MAPK8: variants seen among roughly 807,000 people sequenced by gnomAD.
The protein encoded by MAPK8 is JUN N-terminal kinase.
Under a neutral mutation model 52.9 loss-of-function variants are expected in MAPK8, and 13 were observed. The observed-to-expected ratio is 0.25, with a 90% CI of 0.16 to 0.39. MAPK8 has a LOEUF of 0.39. Ranked by LOEUF, MAPK8 falls within the 10% of genes least tolerant of loss-of-function variation. The pLI is 1.00. For synonymous variants in MAPK8, 191 were observed against 169.8 expected (o/e 1.12, Z -0.97); for missense variants, 300 against 519.2 (o/e 0.58, Z 4.10).
intron 1 of MAPK8, among the ~76,000 whole-genome samples, chr10:48,395,763 A>G (rs544859813): frequency 6.6e-6 from 1 of 152,224 alleles, no homozygotes; most frequent in African/African-American, 2.4e-5. Flanking sequence ...TATACTCAGG[A>G]CACTGTGGTA....
chr10:48,317,552 G>A (rs11101291), intron 1 of MAPK8, among the ~76,000 whole-genome samples: 6,494 of 152,296 alleles, frequency 0.043, 457 homozygotes, highest in African/African-American at 0.15. Flanking sequence ...GCTCTGAAGT[G>A]AACAAAGAAA....
At chr10:48,385,391 C>T (rs1411227919) in intron 1 of MAPK8, among the ~76,000 whole-genome samples, 1 of 152,164 alleles carries the variant, frequency 6.6e-6, no homozygotes, top group Non-Finnish European at 1.5e-5. Context: ...TGCTACCTAG[C>T]ATGTCAGGCA....
intron 1 of MAPK8, among the ~76,000 whole-genome samples, chr10:48,355,094 T>C (rs964611878): frequency 6.6e-6 from 1 of 152,242 alleles, no homozygotes; most frequent in Admixed American, 6.5e-5. Flanking sequence ...GTTTCATATG[T>C]TTCAACAAAA....
At chr10:48,399,469 T>C (rs1357663139) in intron 1 of MAPK8, among the ~76,000 whole-genome samples, 1 of 152,174 alleles carries the variant, frequency 6.6e-6, no homozygotes. Context: ...GAGTTGTGAC[T>C]ATCCATGCTC....
intron 5 of MAPK8, among the ~76,000 whole-genome samples, chr10:48,414,475 C>G (rs1202941633): frequency 4.0e-5 from 5 of 124,962 alleles, no homozygotes; most frequent in South Asian, 2.6e-4. Flanking sequence ...TCCTGAGAGA[C>G]AGAATCTTCC....
At chr10:48,313,323 C>T (rs1199581982) in intron 1 of MAPK8, among the ~76,000 whole-genome samples, 1 of 152,050 alleles carries the variant, frequency 6.6e-6, no homozygotes, top group Non-Finnish European at 1.5e-5. Flanking sequence ...ATCCCAGCTA[C>T]TTGGGAGGTT....
In MAPK8 at chr10:48,364,213, G is replaced by A. The variant is rs1353816550; in HGVS notation, c.-49-37399G>A. Among the ~76,000 whole-genome samples the A allele has an allele frequency of 2.6e-5, 4 of 152,142 alleles. No homozygotes were observed. In the South Asian group the frequency reaches 8.3e-4, roughly 32 times the overall value. The stretch of plus-strand genomic sequence containing the variant: ...GGGAAATACCAGGATGACTAAAGAG[G>A]ATATTTTCATCAGCAGGGAGCTCAC... On this transcript the variant is annotated intron_variant, in intron 1 of 11. Transcript: ENST00000374189.
intron 1 of MAPK8, among the ~76,000 whole-genome samples, chr10:48,359,837 A>G (rs1847355324): frequency 6.6e-6 from 1 of 152,264 alleles, no homozygotes; most frequent in Admixed American, 6.5e-5. Context: ...CATATTATCC[A>G]TGATTTTAAG....
At chr10:48,327,852 G>A (rs1564486430) in intron 1 of MAPK8, among the ~76,000 whole-genome samples, 1 of 152,138 alleles carries the variant, frequency 6.6e-6, no homozygotes, top group Non-Finnish European at 1.5e-5. Flanking sequence ...GAGAACTTTG[G>A]TAGATTGTGT....
rs556871972 is a variant in MAPK8 at position 48,401,296 on chromosome 10, G to A, written c.-49-316G>A. On this transcript the variant is annotated intron_variant, in intron 1 of 11. Transcript: ENST00000374189. ...TTTAAATTTTAAACTGTGGAGTGAC[G>A]TAAAAACATGTTTAATTTTAATTAT... 8.6e-4 allele frequency among the ~76,000 whole-genome samples: 131 copies of A among 152,218 alleles called. 1 individual carries two copies. Among genetic ancestry groups the A allele is most frequent in the Middle Eastern group, 3.4e-3 (1 of 294 alleles).
intron 1 of MAPK8, among the ~76,000 whole-genome samples, chr10:48,363,104 C>T (rs1273343859): frequency 6.6e-6 from 1 of 152,106 alleles, no homozygotes; most frequent in African/African-American, 2.4e-5. Flanking sequence ...TAGCTATTCA[C>T]TGGCCTGAAC....
At chr10:48,406,360 C>T (rs1406169045) in intron 3 of MAPK8, among the ~76,000 whole-genome samples, 1 of 152,132 alleles carries the variant, frequency 6.6e-6, no homozygotes, top group Non-Finnish European at 1.5e-5. Flanking sequence ...AGTTCCATGG[C>T]AGTGGTGGTG....
intron 1 of MAPK8, among the ~76,000 whole-genome samples, chr10:48,313,789 C>CTT: frequency 6.6e-6 from 1 of 152,226 alleles, no homozygotes; most frequent in Non-Finnish European, 1.5e-5. Context: ...GAGTCTCACT[C>CTT]TTGTTGCCCA....
At chr10:48,384,411 T>C (rs1449348275) in intron 1 of MAPK8, among the ~76,000 whole-genome samples, 3 of 152,230 alleles carry the variant, frequency 2.0e-5, no homozygotes, top group Non-Finnish European at 4.4e-5. Flanking sequence ...AAATTTCTTT[T>C]ATAAATAGCC....
At chr10:48,344,130 A>C (rs1845548539) in intron 1 of MAPK8, among the ~76,000 whole-genome samples, 1 of 152,232 alleles carries the variant, frequency 6.6e-6, no homozygotes, top group African/African-American at 2.4e-5. Flanking sequence ...TATCAGAGTA[A>C]ACAAAGATCA....
At chr10:48,433,201 T>G (rs1051009032) in intron 11 of MAPK8, among the ~76,000 whole-genome samples, 3 of 152,170 alleles carry the variant, frequency 2.0e-5, no homozygotes, top group East Asian at 1.9e-4. Context: ...AAGTGTGTGT[T>G]TTTTCCCCTT....
intron 1 of MAPK8, among the ~76,000 whole-genome samples, chr10:48,308,888 C>T (rs998380425): frequency 6.6e-6 from 1 of 152,132 alleles, no homozygotes; most frequent in Admixed American, 6.5e-5. Context: ...AGCTCTTTTC[C>T]ACTTACTAAA....
At chr10:48,431,369 C>T in intron 11 of MAPK8, 99 bp downstream of exon 11, 1 of 768,810 alleles carries the variant, frequency 1.3e-6, no homozygotes, top group South Asian at 1.8e-5. Context: ...TTTACAAAAT[C>T]ATTATTATTC....
chr10:48,382,456 CATA>C (rs942850583), intron 1 of MAPK8, among the ~76,000 whole-genome samples: 2 of 151,906 alleles, frequency 1.3e-5, no homozygotes, highest in Admixed American at 1.3e-4. Context: ...AAAATACAAA[CATA>C]AGTGAAGATT....
Sources: gnomAD v4.1 joint callset for allele counts (sites outside exome capture counted in the v4.1 genomes callset) on GRCh38, gnomAD v4.1.1 for gene constraint, MANE v1.5 for transcripts, NCBI Gene and HGNC (gene_info 2026-07-23, HGNC 2026-07-21) for gene names.